Variants in GTF3C2 observed in about 807,000 individuals in gnomAD.
GTF3C2 encodes the protein general transcription factor 3C polypeptide 2.
GTF3C2 carries 17 observed loss-of-function variants against 117.4 expected under a neutral mutation model. The ratio of observed to expected loss-of-function variants is 0.14; its 90% CI spans 0.10 to 0.22. GTF3C2 has a LOEUF of 0.22. Among genes scored for constraint, GTF3C2 ranks in the 10% least tolerant of loss-of-function variants. The probability of loss-of-function intolerance (pLI) is 1.00; values close to 1 mark genes in which losing one functional copy is unlikely to be tolerated. For synonymous variants in GTF3C2, 437 were observed against 427.0 expected, an observed-to-expected ratio of 1.02 and a Z score of -0.29; for missense variants, 888 against 1,143.6, an observed-to-expected ratio of 0.78 and a Z score of 3.22.
chr2:27,354,018 C>A (rs1681234207), intron 1 of GTF3C2, among the ~76,000 whole-genome samples: 2 of 148,154 alleles, frequency 1.3e-5, no homozygotes, highest in Admixed American at 1.4e-4. Flanking sequence ...TCACCACACC[C>A]AGCCTATAAC....
chr2:27,334,980 A>G (rs1377965324), intron 10 of GTF3C2, among the ~76,000 whole-genome samples: 1 of 152,040 alleles, frequency 6.6e-6, no homozygotes, highest in African/African-American at 2.4e-5. Flanking sequence ...GTCTATATTT[A>G]CTATCTTTAC....
chr2:27,334,382 G>C (rs1680383766), intron 10 of GTF3C2, among the ~76,000 whole-genome samples: 1 of 151,926 alleles, frequency 6.6e-6, no homozygotes, highest in Non-Finnish European at 1.5e-5. Context: ...ACACCTGATA[G>C]TATCCTTCCT....
Position 27,327,953 on chromosome 2 carries a change from C to T in GTF3C2, c.2409+84G>A, listed in dbSNP as rs1680143155. ...GGCTCCTTAGTTTTACATCTTTGTGCTGAACTCAGGCTTGCGTACTATACA... is the reference window on the plus strand; with the variant it reads ...GGCTCCTTAGTTTTACATCTTTGTGTTGAACTCAGGCTTGCGTACTATACA... On this transcript the variant is annotated intron_variant, in intron 17 of 18. Transcript: ENST00000264720. The T allele has an allele frequency of 8.2e-5, 94 of 1,151,376 alleles. 1 individual carries two copies. The South Asian group carries it at 1.3e-3, about 16-fold the overall frequency. 71.3% of individuals were successfully genotyped at this position (1,151,376 alleles called of 1,614,324 possible). A position where few individuals can be genotyped will look rare whatever the true frequency, so the allele number is the denominator to read the frequency against.
At position 27,334,036 on chromosome 2, in the gene GTF3C2, C is replaced by T. The variant is rs200026967; in HGVS notation, c.1577-37G>A. Reference sequence around the variant, plus strand: ...AAGAGCAGGAACTAACTCTATGGATCCCAAGGACTCAGCAGGTCTTACTCT... The same window carrying T: ...AAGAGCAGGAACTAACTCTATGGATTCCAAGGACTCAGCAGGTCTTACTCT... On this transcript the variant is annotated intron_variant, in intron 10 of 18. Coordinates refer to ENST00000264720, the Ensembl canonical transcript of GTF3C2. 2.8e-5 allele frequency: 43 copies of T among 1,553,520 alleles called. No individual in the cohort carries two copies. The East Asian group carries it at 9.0e-4, about 32-fold the overall frequency.
intron 12 of GTF3C2, 44 bp downstream of exon 12, chr2:27,333,611 T>C: frequency 1.4e-5 from 20 of 1,411,624 alleles, no homozygotes; most frequent in Non-Finnish European, 1.9e-5. Flanking sequence ...ATATAAAAAA[T>C]TTAAAGAGCA....
exon 15 of GTF3C2, chr2:27,328,874 G>A (rs1372300984): frequency 1.2e-6 from 2 of 1,613,146 alleles, no homozygotes; most frequent in Admixed American, 1.7e-5. Flanking sequence ...GAGCAGTGAA[G>A]TAGGCCTTGA....
chr2:27,327,953 C>G, intron 17 of GTF3C2, 84 bp downstream of exon 17: 1 of 1,151,380 alleles, frequency 8.7e-7, no homozygotes, highest in Non-Finnish European at 1.2e-6. Context: ...CATCTTTGTG[C>G]TGAACTCAGG....
intron 4 of GTF3C2, chr2:27,338,391 C>T (rs1468688175): frequency 1.6e-5 from 4 of 255,240 alleles, no homozygotes; most frequent in South Asian, 5.1e-5. Context: ...CAGGTCTCCT[C>T]GATGATGGTA....
At chr2:27,328,630 T>C (rs1302741788) in intron 15 of GTF3C2, 34 bp from the exon 16 acceptor site, 2 of 1,580,258 alleles carry the variant, frequency 1.3e-6, no homozygotes, top group African/African-American at 2.7e-5. Context: ...TTCATTCATA[T>C]ATTCATTCAG....
In GTF3C2 at chr2:27,328,934, G is replaced by A. The variant is rs929909117; in HGVS notation, c.2040-3C>T. 4 of 1,587,378 alleles carry A rather than the reference G, an allele frequency of 2.5e-6. No individual in the cohort carries two copies. In the Admixed American group the frequency reaches 5.1e-5, roughly 20 times the overall value. On this transcript the variant is annotated splice_polypyrimidine_tract_variant and splice_region_variant and intron_variant, in intron 14 of 18. Coordinates refer to ENST00000264720, the Ensembl canonical transcript of GTF3C2. ...AATGAATCCCACAGAGTCCATAACT[G>A]TTAAAAGAGAAATAAATTTAAACCT...
At chr2:27,328,991 A>G in intron 14 of GTF3C2, 60 bp from the exon 15 acceptor site, 1 of 1,461,916 alleles carries the variant, frequency 6.8e-7, no homozygotes, top group African/African-American at 1.4e-5. Context: ...CTTCTTCTTA[A>G]CCTCTTCCAG....
At chr2:27,351,864 G>A (rs1303654870) in intron 1 of GTF3C2, among the ~76,000 whole-genome samples, 1 of 152,040 alleles carries the variant, frequency 6.6e-6, no homozygotes, top group Non-Finnish European at 1.5e-5. Context: ...CAGACCAACA[G>A]TCCCACACGC....
chr2:27,332,927 G>A (rs914623508), intron 12 of GTF3C2, among the ~76,000 whole-genome samples: 2 of 151,474 alleles, frequency 1.3e-5, no homozygotes, highest in African/African-American at 2.4e-5. Flanking sequence ...TGTTGGCCAG[G>A]ATGGTCTCCA....
At chr2:27,334,074 C>T (rs1680368643) in intron 10 of GTF3C2, 75 bp from the exon 11 acceptor site, 9 of 1,081,522 alleles carry the variant, frequency 8.3e-6, no homozygotes, top group South Asian at 2.5e-5. Flanking sequence ...CACCCAGGCC[C>T]GAGTGCAGTG....
chr2:27,353,785 T>C (rs12991930), intron 1 of GTF3C2, among the ~76,000 whole-genome samples: 7,546 of 152,238 alleles, frequency 0.05, 272 homozygotes, highest in Middle Eastern at 0.11. Flanking sequence ...AGTAGTGCGA[T>C]GATCATGGCT....
At chr2:27,326,201 G>A (rs1215733716) in exon 19 of GTF3C2, 1 of 471,964 alleles carries the variant, frequency 2.1e-6, no homozygotes, top group Admixed American at 2.4e-5. Flanking sequence ...ACCCTCGTGG[G>A]CATACATGAT....
intron 1 of GTF3C2, among the ~76,000 whole-genome samples, chr2:27,344,047 G>C (rs1423548552): frequency 6.7e-6 from 1 of 148,156 alleles, no homozygotes; most frequent in Non-Finnish European, 1.5e-5. Flanking sequence ...TTTTAAAGAC[G>C]GAGTTTCACT....
intron 15 of GTF3C2, 58 bp downstream of exon 15, chr2:27,328,786 G>A (rs1680180529): frequency 1.2e-5 from 15 of 1,250,110 alleles, no homozygotes; most frequent in Non-Finnish European, 1.8e-5. Context: ...ACTACTAATA[G>A]TGCATAAATG....
intron 12 of GTF3C2, among the ~76,000 whole-genome samples, chr2:27,332,494 A>T (rs1161078534): frequency 1.6e-4 from 24 of 151,660 alleles, no homozygotes; most frequent in Admixed American, 1.6e-3. Flanking sequence ...GGCTCACTGC[A>T]AACTCCGCCT....
Sources: gnomAD v4.1 joint callset for allele counts (sites outside exome capture counted in the v4.1 genomes callset) on GRCh38, gnomAD v4.1.1 for gene constraint, MANE v1.5 for transcripts, NCBI Gene and HGNC (gene_info 2026-07-23, HGNC 2026-07-21) for gene names.